The following NUP37 variants were observed in gnomAD, a reference collection of about 807,000 sequenced individuals.
NUP37 encodes the protein nucleoporin Nup37.
In NUP37, 33 loss-of-function variants were observed where a neutral mutation model predicts 45.4. The ratio of observed to expected loss-of-function variants is 0.73; its 90% CI spans 0.55 to 0.97. The LOEUF (loss-of-function observed/expected upper bound fraction) is 0.97. Ranked by LOEUF, NUP37 falls within the 50% of genes least tolerant of loss-of-function variation. NUP37 has a pLI of 0.00. For missense variants in NUP37, 365 were observed against 389.7 expected (o/e 0.94, Z 0.53); for synonymous variants, 127 against 130.7 (o/e 0.97, Z 0.19).
intron 3 of NUP37, among the ~76,000 whole-genome samples, chr12:102,107,250 C>A (rs61031763): frequency 0.037 from 5,668 of 152,218 alleles, 144 homozygotes; most frequent in African/African-American, 0.068. Context: ...AAAAAATAAT[C>A]CCCTCCTATG....
chr12:102,111,044 G>A (rs1169471026), intron 3 of NUP37, among the ~76,000 whole-genome samples: 1 of 152,048 alleles, frequency 6.6e-6, no homozygotes, highest in Non-Finnish European at 1.5e-5. Context: ...AATAACTAAA[G>A]CCTAGAAACT....
intron 3 of NUP37, among the ~76,000 whole-genome samples, chr12:102,101,917 G>T (rs1430894243): frequency 6.6e-6 from 1 of 151,892 alleles, no homozygotes; most frequent in Non-Finnish European, 1.5e-5. Flanking sequence ...TAGAGACAGG[G>T]TTTCACCACG....
intron 3 of NUP37, among the ~76,000 whole-genome samples, chr12:102,103,885 T>C (rs1880046675): frequency 6.6e-6 from 1 of 152,198 alleles, no homozygotes; most frequent in African/African-American, 2.4e-5. Context: ...AGGCCATCTA[T>C]GACGAGCCCA....
At chr12:102,078,157 G>A (rs1053141239) in intron 6 of NUP37, among the ~76,000 whole-genome samples, 1 of 149,068 alleles carries the variant, frequency 6.7e-6, no homozygotes, top group Non-Finnish European at 1.5e-5. Flanking sequence ...GTGAAACCCC[G>A]TCTCTACTAA....
chr12:102,118,277 A>T (rs1880526692), intron 2 of NUP37, 86 bp downstream of exon 2: 1 of 1,292,804 alleles, frequency 7.7e-7, no homozygotes, highest in Admixed American at 2.5e-5. Flanking sequence ...AACTCAATAT[A>T]CTTTCAAAGT....
At chr12:102,112,028 G>GT in intron 3 of NUP37, 80 bp downstream of exon 3, 2 of 1,316,882 alleles carry the variant, frequency 1.5e-6, no homozygotes, top group Non-Finnish European at 1.1e-6. Flanking sequence ...TGAGAAAAAA[G>GT]TATCTATGAT....
intron 5 of NUP37, among the ~76,000 whole-genome samples, chr12:102,098,531 TTG>T (rs1879878183): frequency 6.6e-6 from 1 of 151,996 alleles, no homozygotes; most frequent in South Asian, 2.1e-4. Context: ...TCCAATATGT[TTG>T]TGTTTTTTTT....
intron 4 of NUP37, among the ~76,000 whole-genome samples, chr12:102,100,766 C>T (rs1260861790): frequency 6.6e-6 from 1 of 152,106 alleles, no homozygotes; most frequent in African/African-American, 2.4e-5. Context: ...CTGTAAATTT[C>T]TAGTTTTCTT....
At chr12:102,107,809 A>G (rs956759349) in intron 3 of NUP37, among the ~76,000 whole-genome samples, 1 of 152,200 alleles carries the variant, frequency 6.6e-6, no homozygotes, top group African/African-American at 2.4e-5. Context: ...AAATTAAGCT[A>G]TATTGCTTAA....
At chr12:102,077,263 T>C (rs1477866172) in intron 7 of NUP37, 59 bp downstream of exon 7, 2 of 1,556,644 alleles carry the variant, frequency 1.3e-6, no homozygotes, top group African/African-American at 1.4e-5. Flanking sequence ...GAGTGGATCA[T>C]TTAGCAACAG....
chr12:102,075,431 C>T (rs1879141650), intron 8 of NUP37, among the ~76,000 whole-genome samples: 1 of 152,122 alleles, frequency 6.6e-6, no homozygotes, highest in Non-Finnish European at 1.5e-5. Context: ...ATCCTCCTGC[C>T]TTGGTCTCCT....
chr12:102,088,996 C>G (rs955572616), intron 5 of NUP37, among the ~76,000 whole-genome samples: 2 of 152,092 alleles, frequency 1.3e-5, no homozygotes, highest in South Asian at 2.1e-4. Context: ...TGAGTTGACA[C>G]AGCACGTTTC....
At position 102,111,961 on chromosome 12, in the gene NUP37, A is replaced by C. The variant is rs565953335; in HGVS notation, c.281+147T>G. 1.2e-5 allele frequency: 8 copies of C among 687,114 alleles called. No homozygotes were observed. The South Asian group carries it at 1.8e-4, about 16-fold the overall frequency. 42.6% of individuals were successfully genotyped at this position (687,114 alleles called of 1,614,324 possible). A position where few individuals can be genotyped will look rare whatever the true frequency, so the allele number is the denominator to read the frequency against. On this transcript the variant is annotated intron_variant, in intron 3 of 9. Transcript: ENST00000552283. ...CAAATTCAGATGATAAGCCTAAATT[A>C]TTAAGTAGTAGCAAATATCAAAATA...
At chr12:102,086,920 C>G (rs1879488758) in intron 5 of NUP37, among the ~76,000 whole-genome samples, 1 of 152,154 alleles carries the variant, frequency 6.6e-6, no homozygotes, top group Non-Finnish European at 1.5e-5. Context: ...TTCGTCTCTA[C>G]AAAACACATA....
chr12:102,100,996 A>G, intron 4 of NUP37, 36 bp downstream of exon 4: 1 of 1,294,134 alleles, frequency 7.7e-7, no homozygotes, highest in Non-Finnish European at 1.1e-6. Flanking sequence ...CACGTTTTAA[A>G]ATAAGCTCTA....
At chr12:102,102,931 T>C (rs1880016670) in intron 3 of NUP37, among the ~76,000 whole-genome samples, 1 of 152,182 alleles carries the variant, frequency 6.6e-6, no homozygotes, top group South Asian at 2.1e-4. Flanking sequence ...ATTTCTGGGC[T>C]CTCTATCTTA....
intron 5 of NUP37, among the ~76,000 whole-genome samples, chr12:102,090,672 T>A (rs930320325): frequency 3.3e-5 from 5 of 152,222 alleles, no homozygotes; most frequent in African/African-American, 1.2e-4. Flanking sequence ...AATAAAAATC[T>A]AGAAGTATTC....
chr12:102,119,748 G>A (rs947760165), intron 1 of NUP37, among the ~76,000 whole-genome samples: 1 of 152,106 alleles, frequency 6.6e-6, no homozygotes, highest in Non-Finnish European at 1.5e-5. Context: ...GAGATTCGAG[G>A]TCACGAAATT....
chr12:102,118,180 T>C (rs1372357709), intron 2 of NUP37, among the ~76,000 whole-genome samples, 183 bp downstream of exon 2: 1 of 152,174 alleles, frequency 6.6e-6, no homozygotes, highest in Non-Finnish European at 1.5e-5. Flanking sequence ...TTTTTCACTA[T>C]CTATATAATG....
Sources: gnomAD v4.1 joint callset for allele counts (sites outside exome capture counted in the v4.1 genomes callset) on GRCh38, gnomAD v4.1.1 for gene constraint, MANE v1.5 for transcripts, NCBI Gene and HGNC (gene_info 2026-07-23, HGNC 2026-07-21) for gene names.